Variants in CPNE4 observed in about 807,000 individuals in gnomAD.
CPNE4 encodes the protein copine-4.
Under a neutral mutation model 67.9 loss-of-function variants are expected in CPNE4, and 25 were observed. The ratio of observed to expected loss-of-function variants is 0.37; its 90% CI spans 0.27 to 0.51. The LOEUF (loss-of-function observed/expected upper bound fraction) is 0.51, where lower values mean the gene tolerates loss of function less well. Among genes scored for constraint, CPNE4 ranks in the 20% least tolerant of loss-of-function variants. The pLI is 0.93. For synonymous variants in CPNE4, 242 were observed against 244.9 expected (o/e 0.99, Z 0.11); for missense variants, 464 against 690.8 (o/e 0.67, Z 3.68).
chr3:131,680,851 C>G (rs1359519946), intron 6 of CPNE4, among the ~76,000 whole-genome samples: 2 of 152,106 alleles, frequency 1.3e-5, no homozygotes, highest in African/African-American at 4.8e-5. Flanking sequence ...TCCCCACAGT[C>G]CATAGCATCA....
chr3:131,673,815 C>G (rs2080489037), intron 6 of CPNE4, among the ~76,000 whole-genome samples: 1 of 151,966 alleles, frequency 6.6e-6, no homozygotes, highest in Admixed American at 6.6e-5. Flanking sequence ...TCTTTCTCTT[C>G]TATGATTGCT....
At chr3:131,833,316 T>C (rs1349743215) in intron 2 of CPNE4, among the ~76,000 whole-genome samples, 1 of 152,184 alleles carries the variant, frequency 6.6e-6, no homozygotes, top group Non-Finnish European at 1.5e-5. Context: ...TGAGAGTTCT[T>C]TGGAAACAGG....
intron 2 of CPNE4, among the ~76,000 whole-genome samples, chr3:131,855,725 T>G (rs1430577814): frequency 6.6e-6 from 1 of 151,928 alleles, no homozygotes; most frequent in Non-Finnish European, 1.5e-5. Flanking sequence ...TGTGTGTGTG[T>G]GATGAAAATA....
rs559718066 is a variant in CPNE4, at chr3:131,694,538, A to G, written c.507+2004T>C. Reference sequence around the variant, plus strand: ...AGAATCTGGGCTGGCCTTATGACTTACTTGCAACTAAAAGAATGCAGCAGC... The same window carrying G: ...AGAATCTGGGCTGGCCTTATGACTTGCTTGCAACTAAAAGAATGCAGCAGC... On this transcript the variant is annotated intron_variant, in intron 5 of 15. Transcript: ENST00000429747. Among the ~76,000 whole-genome samples the G allele has an allele frequency of 7.9e-5, 12 of 152,298 alleles. No homozygotes were observed. In the South Asian group the frequency reaches 2.1e-3, roughly 26 times the overall value.
intron 7 of CPNE4, among the ~76,000 whole-genome samples, chr3:131,665,010 G>C (rs946113702): frequency 2.6e-5 from 4 of 152,030 alleles, no homozygotes; most frequent in African/African-American, 7.2e-5. Flanking sequence ...GGTAATTAAG[G>C]CTCAGTAGAC....
intron 2 of CPNE4, among the ~76,000 whole-genome samples, chr3:131,894,953 G>T (rs1440789171): frequency 1.3e-5 from 2 of 151,942 alleles, no homozygotes; most frequent in African/African-American, 4.8e-5. Context: ...AAGATATTCA[G>T]TCAACCTAAA....
At chr3:131,947,268 T>C (rs1247389301) in intron 1 of CPNE4, among the ~76,000 whole-genome samples, 2 of 152,216 alleles carry the variant, frequency 1.3e-5, no homozygotes, top group Non-Finnish European at 2.9e-5. Flanking sequence ...GTGCAGAACA[T>C]GCAGTTTTGT....
At chr3:131,543,495 A>G (rs987083697) in intron 14 of CPNE4, among the ~76,000 whole-genome samples, 6 of 152,220 alleles carry the variant, frequency 3.9e-5, no homozygotes, top group Non-Finnish European at 7.3e-5. Context: ...ATGATAACTT[A>G]GCATCCAAAT....
chr3:131,769,915 T>A (rs1216767669), intron 2 of CPNE4, among the ~76,000 whole-genome samples: 1 of 152,104 alleles, frequency 6.6e-6, no homozygotes, highest in African/African-American at 2.4e-5. Context: ...TGGGATAAAA[T>A]TAAAGCTTCA....
intron 2 of CPNE4, among the ~76,000 whole-genome samples, chr3:131,729,945 T>C (rs1295596772): frequency 6.6e-6 from 1 of 152,232 alleles, no homozygotes; most frequent in East Asian, 1.9e-4. Context: ...TGACCGACAG[T>C]GATGGTAACT....
At chr3:131,636,006 G>A (rs920616909) in intron 7 of CPNE4, among the ~76,000 whole-genome samples, 3 of 92,686 alleles carry the variant, frequency 3.2e-5, no homozygotes, top group South Asian at 6.0e-4. Flanking sequence ...GCGTGAACCC[G>A]GGAGGCGGAG....
At chr3:131,961,166 TAAAAA>T (rs1270761454) in intron 1 of CPNE4, among the ~76,000 whole-genome samples, 2 of 152,206 alleles carry the variant, frequency 1.3e-5, no homozygotes, top group Admixed American at 1.3e-4. Flanking sequence ...TAGAGAAAGT[TAAAAA>T]GAAGAAGAAA....
At position 132,034,661 on chromosome 3, in the gene CPNE4, GTGGT is replaced by G. The variant is rs371623148; in HGVS notation, c.-100_-97del. On this transcript the variant is annotated 5_prime_UTR_variant, in exon 1 of 16. Transcript: ENST00000429747. ...TGCAAAATCCGGCTTTGAAGTGGAG[GTGGT>G]TGGTGTGGTAGTTTTGTACTGATGT... 688 of 985,438 alleles carry G rather than the reference GTGGT, an allele frequency of 7.0e-4. 3 individuals carry two copies. In the Middle Eastern group the frequency reaches 0.017, roughly 25 times the overall value. The allele number at this position is 985,438 out of a possible 1,614,324, so 61.0% of individuals were successfully genotyped here.
chr3:131,677,312 T>G (rs1181147473), intron 6 of CPNE4, among the ~76,000 whole-genome samples: 1 of 152,054 alleles, frequency 6.6e-6, no homozygotes, highest in African/African-American at 2.4e-5. Flanking sequence ...TTTAAGTTCC[T>G]TATAGACGCT....
chr3:131,563,497 G>A (rs1307404817), intron 11 of CPNE4, among the ~76,000 whole-genome samples: 1 of 151,956 alleles, frequency 6.6e-6, no homozygotes, highest in East Asian at 1.9e-4. Flanking sequence ...TGGTAGGAAA[G>A]GCCAATATTT....
chr3:131,660,297 C>T (rs2080088678), intron 7 of CPNE4, among the ~76,000 whole-genome samples: 1 of 152,160 alleles, frequency 6.6e-6, no homozygotes, highest in East Asian at 1.9e-4. Flanking sequence ...ATTTGTACAA[C>T]AGCCCATTTC....
chr3:131,881,011 T>G (rs1358664287), intron 2 of CPNE4, among the ~76,000 whole-genome samples: 1 of 152,146 alleles, frequency 6.6e-6, no homozygotes, highest in Non-Finnish European at 1.5e-5. Flanking sequence ...TTGTACTGCT[T>G]GAAATTGGCC....
At chr3:131,626,786 AGAG>A (rs1394592524) in intron 7 of CPNE4, among the ~76,000 whole-genome samples, 3 of 152,226 alleles carry the variant, frequency 2.0e-5, no homozygotes, top group Non-Finnish European at 4.4e-5. Context: ...TCTTAGCTAG[AGAG>A]GAGAAGTCAA....
chr3:131,718,626 C>T (rs2107737510), intron 3 of CPNE4, among the ~76,000 whole-genome samples: 2 of 152,314 alleles, frequency 1.3e-5, no homozygotes, highest in South Asian at 4.1e-4. Flanking sequence ...TGAGACTCCC[C>T]TGCTTCACTT....
Sources: gnomAD v4.1 joint callset for allele counts (sites outside exome capture counted in the v4.1 genomes callset) on GRCh38, gnomAD v4.1.1 for gene constraint, MANE v1.5 for transcripts, NCBI Gene and HGNC (gene_info 2026-07-23, HGNC 2026-07-21) for gene names.